Variants in CGNL1 observed in about 807,000 individuals in gnomAD.
CGNL1 encodes cingulin like 1.
Under a neutral mutation model 141.2 loss-of-function variants are expected in CGNL1, and 132 were observed. The observed-to-expected ratio is 0.93, with a 90% CI of 0.81 to 1.08. The LOEUF (loss-of-function observed/expected upper bound fraction) is 1.08. CGNL1 is among the 50% of genes least tolerant of loss of function. The probability of loss-of-function intolerance (pLI) is 0.00; values close to 1 mark genes in which losing one functional copy is unlikely to be tolerated. For missense variants in CGNL1, 1,870 were observed against 1,588.6 expected (o/e 1.18, Z -3.01); for synonymous variants, 690 against 622.1 (o/e 1.11, Z -1.63).
intron 1 of CGNL1, among the ~76,000 whole-genome samples, chr15:57,384,438 G>C (rs2062460310): frequency 6.6e-6 from 1 of 152,202 alleles, no homozygotes; most frequent in Non-Finnish European, 1.5e-5. Context: ...TGGGTAACTT[G>C]TCAAAGTGCT....
At position 57,412,581 on chromosome 15, in the gene CGNL1, TC is replaced by T. The variant is rs147383968; in HGVS notation, c.-15-25402del. Among the ~76,000 whole-genome samples, 734 of 152,322 alleles carry T rather than the reference TC, an allele frequency of 4.8e-3. 5 individuals are homozygous for T. Among genetic ancestry groups the T allele is most frequent in the African/African-American group, 0.017 (690 of 41,572 alleles). On this transcript the variant is annotated intron_variant, in intron 1 of 18. Coordinates refer to ENST00000281282, the MANE Select transcript of CGNL1 (RefSeq NM_032866.5). ...ATGGATAGCCAGGCCCTGTTTGCCT[TC>T]CTCCACCTCATGGGGAACTCATTGT...
At chr15:57,544,638 G>A in intron 16 of CGNL1, 41 bp downstream of exon 16, 3 of 1,551,888 alleles carry the variant, frequency 1.9e-6, no homozygotes, top group Non-Finnish European at 2.6e-6. Flanking sequence ...GGCCCCAGTG[G>A]GCAGTGACAG....
chr15:57,546,259 A>C lies in CGNL1; in HGVS notation c.3773+20A>C, dbSNP rs538002090. On this transcript the variant is annotated intron_variant, in intron 18 of 18. Transcript: ENST00000281282. Reference sequence around the variant, plus strand: ...CTTAAGGTGGGCAGGTGTGGAGGCCACAGAGGGCCGGGTAATCTCCCCACA... The same window carrying C: ...CTTAAGGTGGGCAGGTGTGGAGGCCCCAGAGGGCCGGGTAATCTCCCCACA... The C allele has an allele frequency of 2.6e-5, 41 of 1,553,666 alleles. No individual in the cohort carries two copies. In the East Asian group the frequency reaches 8.9e-4, roughly 34 times the overall value.
At chr15:57,403,507 C>T (rs571199421) in intron 1 of CGNL1, among the ~76,000 whole-genome samples, 9 of 152,272 alleles carry the variant, frequency 5.9e-5, no homozygotes, top group Non-Finnish European at 1.3e-4. Flanking sequence ...TATTTCAAAA[C>T]AGGATTCATC....
chr15:57,416,999 C>G (rs1169558959), intron 1 of CGNL1, among the ~76,000 whole-genome samples: 5 of 152,168 alleles, frequency 3.3e-5, no homozygotes, highest in African/African-American at 1.2e-4. Flanking sequence ...TGATTCTGCT[C>G]TATCTGGGTG....
chr15:57,396,273 C>CTTTTTTTTTTTTTTTTTTTTTTTT (rs2062600839), intron 1 of CGNL1, among the ~76,000 whole-genome samples: 1 of 129,794 alleles, frequency 7.7e-6, no homozygotes, highest in African/African-American at 2.9e-5. Flanking sequence ...TACTTTCTTT[C>CTTTTTTTTTTTTTTTTTTTTTTTT]TTTGTTTTTT....
chr15:57,426,593 T>C (rs1873167751), intron 1 of CGNL1, among the ~76,000 whole-genome samples: 1 of 148,846 alleles, frequency 6.7e-6, no homozygotes, highest in South Asian at 2.1e-4. Context: ...ACTACAGGCA[T>C]GTGTCTCCAT....
intron 8 of CGNL1, among the ~76,000 whole-genome samples, chr15:57,489,037 G>T (rs7170267): frequency 0.27 from 41,463 of 152,098 alleles, 5,736 homozygotes; most frequent in African/African-American, 0.28. Flanking sequence ...CATTGTCACA[G>T]TTGATATAAC....
At chr15:57,383,219 TAAGAG>T (rs1407618038) in intron 1 of CGNL1, among the ~76,000 whole-genome samples, 1 of 151,466 alleles carries the variant, frequency 6.6e-6, no homozygotes, top group Non-Finnish European at 1.5e-5. Context: ...GAGTGAGAGA[TAAGAG>T]AGAGAGAGAA....
At chr15:57,427,054 C>A (rs144157714) in intron 1 of CGNL1, among the ~76,000 whole-genome samples, 1 of 152,044 alleles carries the variant, frequency 6.6e-6, no homozygotes, top group Non-Finnish European at 1.5e-5. Context: ...CAAGGCACAG[C>A]GTGTTTGGGG....
chr15:57,488,097 G>A (rs1013055850), intron 8 of CGNL1, among the ~76,000 whole-genome samples: 34 of 152,104 alleles, frequency 2.2e-4, no homozygotes, highest in African/African-American at 7.7e-4. Context: ...AGCCATCTTC[G>A]TGGGTGTGAA....
At chr15:57,390,591 C>T (rs982250104) in intron 1 of CGNL1, among the ~76,000 whole-genome samples, 2 of 152,144 alleles carry the variant, frequency 1.3e-5, no homozygotes, top group African/African-American at 4.8e-5. Flanking sequence ...ATGAATAAGA[C>T]GGAAGAGAGC....
intron 4 of CGNL1, among the ~76,000 whole-genome samples, chr15:57,443,803 T>C (rs995906588): frequency 6.6e-6 from 1 of 152,212 alleles, no homozygotes. Context: ...CTTGTTTTTT[T>C]GTATACCTGC....
chr15:57,538,749 C>T (rs1372890981), intron 14 of CGNL1, among the ~76,000 whole-genome samples: 3 of 152,224 alleles, frequency 2.0e-5, no homozygotes, highest in Middle Eastern at 3.2e-3. Context: ...TCCCTCCATG[C>T]GCTCTCTGCA....
At chr15:57,435,462 G>A (rs188877918) in intron 1 of CGNL1, among the ~76,000 whole-genome samples, 1 of 150,498 alleles carries the variant, frequency 6.6e-6, no homozygotes, top group Admixed American at 6.6e-5. Context: ...TCAGGGAAGG[G>A]AAGCTGAAGA....
chr15:57,430,892 T>C (rs894029296), intron 1 of CGNL1, among the ~76,000 whole-genome samples: 1 of 152,054 alleles, frequency 6.6e-6, no homozygotes, highest in Non-Finnish European at 1.5e-5. Context: ...GGCTCATGTT[T>C]TATATTTTTA....
At chr15:57,535,824 C>G (rs1367529224) in intron 14 of CGNL1, among the ~76,000 whole-genome samples, 1 of 152,126 alleles carries the variant, frequency 6.6e-6, no homozygotes, top group African/African-American at 2.4e-5. Flanking sequence ...GAGGAGGCCT[C>G]AACTGTGCTG....
rs1444438546 is a variant in CGNL1 at position 57,438,785 on chromosome 15, A to G, written c.786A>G (p.Pro262=). The G allele has an allele frequency of 6.2e-7, 1 of 1,614,028 alleles. No homozygotes were observed. Among genetic ancestry groups the G allele is most frequent in the African/African-American group, 1.3e-5 (1 of 74,904 alleles). Residue 262 remains proline (P), a synonymous_variant, in exon 2 of 19, where the codon CCA becomes CCG. Transcript: ENST00000281282. ...GGAGGCCCCTGACTGCCCACAGCCCACATGCCCACCCTGAAACCAAGAAAA... is the reference window on the plus strand; with the variant it reads ...GGAGGCCCCTGACTGCCCACAGCCCGCATGCCCACCCTGAAACCAAGAAAA... ...TSGRPLTAHS[P]HAHPETKKTR... is the part of the protein sequence containing the mutation.
chr15:57,418,567 C>T (rs1223370912), intron 1 of CGNL1, among the ~76,000 whole-genome samples: 2 of 152,180 alleles, frequency 1.3e-5, no homozygotes, highest in Non-Finnish European at 2.9e-5. Flanking sequence ...TTTTAGCCCT[C>T]TAGTTCTACT....
Sources: allele counts gnomAD v4.1 joint callset (sites outside exome capture counted in the v4.1 genomes callset), GRCh38; gene constraint gnomAD v4.1.1; transcripts MANE v1.5; gene names NCBI Gene and HGNC (gene_info 2026-07-23, HGNC 2026-07-21).